CBLB: variants seen among roughly 807,000 people sequenced by gnomAD.
CBLB encodes E3 ubiquitin-protein ligase CBL-B.
Under a neutral mutation model 104.9 loss-of-function variants are expected in CBLB, and 31 were observed. The observed-to-expected ratio is 0.30, with a 90% confidence interval of 0.22 to 0.40. The LOEUF (loss-of-function observed/expected upper bound fraction) is 0.40. CBLB is among the 10% of genes least tolerant of loss of function. The pLI is 1.00. For missense variants in CBLB, 1,062 were observed against 1,214.6 expected, an observed-to-expected ratio of 0.87 and a Z score of 1.87; for synonymous variants, 440 against 422.6, an observed-to-expected ratio of 1.04 and a Z score of -0.51.
chr3:105,859,754 C>A (rs115731724), intron 2 of CBLB, among the ~76,000 whole-genome samples: 2,057 of 151,288 alleles, frequency 0.014, 43 homozygotes, highest in African/African-American at 0.047. Flanking sequence ...ATATATATAT[C>A]TCTCTCTTTA....
Position 105,693,567 on chromosome 3 carries a change from C to G in CBLB, c.1981G>C (p.Gly661Arg). ...GAKVFSNGHL[G>R]SEEYDVPPRL... Reference sequence around the variant, plus strand: ...GGAGGAACATCATATTCTTCACTTCCAAGGTGACCATTGGAAAAGACCTGA... The same window carrying G: ...GGAGGAACATCATATTCTTCACTTCGAAGGTGACCATTGGAAAAGACCTGA... Residue 661 changes from glycine (G) to arginine (R), a missense_variant, in exon 13 of 19, where the codon GGA (glycine) becomes CGA (arginine). Coordinates refer to ENST00000394030, the MANE Select transcript of CBLB (RefSeq NM_170662.5). 1.2e-6 allele frequency: 2 copies of G among 1,611,892 alleles called. No individual in the cohort carries two copies. The highest frequency in any genetic ancestry group is 1.7e-6 in the Non-Finnish European group (2 of 1,178,308).
chr3:105,742,937 C>G lies in CBLB; in HGVS notation c.846-2306G>C, dbSNP rs147381540. Among the ~76,000 whole-genome samples the G allele has an allele frequency of 5.1e-3, 781 of 152,140 alleles. 5 individuals are homozygous for G. Among genetic ancestry groups the G allele is most frequent in the African/African-American group, 0.018 (764 of 41,510 alleles). On this transcript the variant is annotated intron_variant, in intron 6 of 18. Coordinates refer to ENST00000394030, the MANE Select transcript of CBLB (RefSeq NM_170662.5). The stretch of plus-strand genomic sequence containing the variant: ...GTTTTGGGATGGTGTTTCTAAAACT[C>G]ATTATTATACAGAAGGTTCAAGCAA...
intron 9 of CBLB, chr3:105,723,919 C>T (rs572299072): frequency 9.8e-4 from 152 of 154,854 alleles, no homozygotes; most frequent in South Asian, 3.9e-3. Flanking sequence ...AGGGTATATA[C>T]ATAGGGCCTC....
rs139379956 is a variant in CBLB at position 105,748,992 on chromosome 3, C to T, written c.723+2470G>A. ...ATGGCTATAGCTGAATGTATGTTCCCGCAGTCACACAGTATTAGCAAAACA... is the reference window on the plus strand; with the variant it reads ...ATGGCTATAGCTGAATGTATGTTCCTGCAGTCACACAGTATTAGCAAAACA... On this transcript the variant is annotated intron_variant, in intron 5 of 18. Coordinates refer to ENST00000394030, the MANE Select transcript of CBLB (RefSeq NM_170662.5). Among the ~76,000 whole-genome samples, 308 of 152,056 alleles carry T rather than the reference C, an allele frequency of 2.0e-3. 3 individuals carry two copies. Among genetic ancestry groups the T allele is most frequent in the African/African-American group, 7.1e-3 (294 of 41,464 alleles).
intron 3 of CBLB, among the ~76,000 whole-genome samples, chr3:105,783,834 G>C (rs140941566): frequency 6.6e-6 from 1 of 152,150 alleles, no homozygotes. Flanking sequence ...GACAGTTTGA[G>C]GGTTGAATGG....
intron 3 of CBLB, among the ~76,000 whole-genome samples, chr3:105,786,622 T>C (rs1320164583): frequency 6.6e-6 from 1 of 152,224 alleles, no homozygotes; most frequent in South Asian, 2.1e-4. Flanking sequence ...TTAGTTCTAA[T>C]TTCATATCTT....
At chr3:105,868,020 C>A in intron 1 of CBLB, 1 of 479,226 alleles carries the variant, frequency 2.1e-6, no homozygotes, top group East Asian at 3.2e-5. Flanking sequence ...GGGAGCCTTA[C>A]GCAGAAACTT....
chr3:105,677,469 C>CG (rs1454390139), intron 17 of CBLB, among the ~76,000 whole-genome samples: 1 of 151,526 alleles, frequency 6.6e-6, no homozygotes, highest in Non-Finnish European at 1.5e-5. Context: ...GAGGCATATA[C>CG]GTAGCTAAAG....
intron 17 of CBLB, among the ~76,000 whole-genome samples, chr3:105,674,868 A>C (rs1215595566): frequency 6.6e-6 from 1 of 152,172 alleles, no homozygotes; most frequent in African/African-American, 2.4e-5. Flanking sequence ...GAAGGCCTAA[A>C]ATAGAAAAGA....
chr3:105,676,466 C>T (rs2065657876), intron 17 of CBLB, among the ~76,000 whole-genome samples: 1 of 151,972 alleles, frequency 6.6e-6, no homozygotes, highest in South Asian at 2.1e-4. Context: ...GTCAGAAAAG[C>T]CACATCATCA....
chr3:105,712,028 G>C (rs535219664), intron 10 of CBLB, among the ~76,000 whole-genome samples: 2 of 152,226 alleles, frequency 1.3e-5, no homozygotes, highest in African/African-American at 4.8e-5. Flanking sequence ...AAGTAGTGCA[G>C]TCTCACACTT....
intron 9 of CBLB, among the ~76,000 whole-genome samples, chr3:105,728,617 C>T (rs1198712544): frequency 6.6e-6 from 1 of 152,070 alleles, no homozygotes; most frequent in Non-Finnish European, 1.5e-5. Flanking sequence ...CCCATTAACA[C>T]GTGGATGTGA....
chr3:105,666,985 A>T (rs1365902716), intron 18 of CBLB, among the ~76,000 whole-genome samples: 1 of 152,216 alleles, frequency 6.6e-6, no homozygotes, highest in East Asian at 1.9e-4. Flanking sequence ...TGAAGCCACG[A>T]TTTCCAATTG....
chr3:105,735,791 C>T (rs929543692), intron 8 of CBLB, among the ~76,000 whole-genome samples: 3 of 152,020 alleles, frequency 2.0e-5, no homozygotes, highest in Non-Finnish European at 2.9e-5. Context: ...ACTAAAAATA[C>T]AAAAATTAGC....
intron 14 of CBLB, among the ~76,000 whole-genome samples, chr3:105,683,877 A>T (rs1316571469): frequency 1.3e-5 from 2 of 152,212 alleles, no homozygotes; most frequent in Non-Finnish European, 2.9e-5. Flanking sequence ...ACTATTAACA[A>T]TTCTGGGTAA....
In CBLB at chr3:105,856,186, C is replaced by T. The variant is rs187234234; in HGVS notation, c.169-2522G>A. On this transcript the variant is annotated intron_variant, in intron 2 of 18. Coordinates refer to ENST00000394030, the MANE Select transcript of CBLB (RefSeq NM_170662.5). ...CCAACATGGTGAAACCCTGTCTCTA[C>T]TAAAAATACAAAAAGTAGCTGGGTG... Among the ~76,000 whole-genome samples the T allele has an allele frequency of 5.5e-3, 829 of 151,852 alleles. 5 individuals carry two copies. Among genetic ancestry groups the T allele is most frequent in the Non-Finnish European group, 9.0e-3 (609 of 67,924 alleles).
intron 3 of CBLB, among the ~76,000 whole-genome samples, chr3:105,838,014 A>AG (rs2088837234): frequency 6.6e-6 from 1 of 152,014 alleles, no homozygotes; most frequent in African/African-American, 2.4e-5. Context: ...CCAAGTATAA[A>AG]GCACTGTTCT....
chr3:105,668,009 T>A (rs1485261081), intron 18 of CBLB, among the ~76,000 whole-genome samples: 1 of 152,188 alleles, frequency 6.6e-6, no homozygotes, highest in Non-Finnish European at 1.5e-5. Flanking sequence ...TAAAATAAAC[T>A]AGTGAACAGC....
chr3:105,673,097 C>G (rs1454371385), intron 17 of CBLB: 1 of 139,426 alleles, frequency 7.2e-6, no homozygotes, highest in South Asian at 2.2e-4. Context: ...GAGAGAGCGT[C>G]TTGTTCTGTC....
Sources: gnomAD v4.1 joint callset for allele counts (sites outside exome capture counted in the v4.1 genomes callset) on GRCh38, gnomAD v4.1.1 for gene constraint, MANE v1.5 for transcripts, NCBI Gene and HGNC (gene_info 2026-07-23, HGNC 2026-07-21) for gene names.